HSD17B2: variants seen among roughly 807,000 people sequenced by gnomAD.
HSD17B2 encodes the protein 17-beta-hydroxysteroid dehydrogenase type 2.
HSD17B2 carries 32 observed loss-of-function variants against 26.9 expected under a neutral mutation model. That is an observed-to-expected ratio of 1.19 (90% confidence interval 0.90 to 1.60). The LOEUF is 1.60. Among genes scored for constraint, HSD17B2 ranks in the 40% most tolerant of loss-of-function variants. The pLI is 0.00. For missense variants in HSD17B2, 613 were observed against 468.6 expected (o/e 1.31, Z -2.85); for synonymous variants, 246 against 186.7 (o/e 1.32, Z -2.59).
chr16:82,061,898 T>C (rs965156541), intron 1 of HSD17B2, among the ~76,000 whole-genome samples: 34 of 152,228 alleles, frequency 2.2e-4, no homozygotes, highest in Non-Finnish European at 3.5e-4. Context: ...AGGACAGTGC[T>C]TGTGTTCCAG....
Position 82,098,158 on chromosome 16 carries a change from G to C in HSD17B2, c.886G>C (p.Gly296Arg), listed in dbSNP as rs751733597. Residue 296 changes from glycine (G) to arginine (R), a missense_variant, in exon 5 of 5, where the codon GGC becomes CGC. Coordinates refer to ENST00000199936, the MANE Select transcript of HSD17B2 (RefSeq NM_002153.3). ...HLPAEVQEDY[G>R]QDYILAQRNF... is the part of the protein sequence containing the mutation. ...CCCCGCTGAGGTACAGGAAGACTAC[G>C]GCCAGGACTACATCTTAGCACAGCG... 3 of 1,614,002 alleles carry C rather than the reference G, an allele frequency of 1.9e-6. No homozygotes were observed. The highest frequency in any genetic ancestry group is 1.1e-5 in the South Asian group (1 of 91,070).
chr16:82,076,433 G>C lies in HSD17B2; in HGVS notation c.664+5306G>C, dbSNP rs572302949. Among the ~76,000 whole-genome samples the C allele has an allele frequency of 2.6e-5, 4 of 152,256 alleles. No individual in the cohort carries two copies. In the South Asian group the frequency reaches 8.3e-4, roughly 32 times the overall value. ...AAATAAAGAACATTCAAGCTGGAAA[G>C]GAAGAAGTTGAATTATCCTTGTTTG... On this transcript the variant is annotated intron_variant, in intron 3 of 4. Coordinates refer to ENST00000199936, the MANE Select transcript of HSD17B2 (RefSeq NM_002153.3).
intron 3 of HSD17B2, among the ~76,000 whole-genome samples, chr16:82,082,551 TGTAA>T (rs1436614946): frequency 1.3e-5 from 2 of 152,226 alleles, no homozygotes; most frequent in African/African-American, 4.8e-5. Flanking sequence ...ATAAATTTTA[TGTAA>T]GTGTTAGCTA....
intron 3 of HSD17B2, among the ~76,000 whole-genome samples, chr16:82,083,859 G>C (rs1278696805): frequency 6.6e-6 from 1 of 152,094 alleles, no homozygotes; most frequent in Non-Finnish European, 1.5e-5. Context: ...AAATAGCATA[G>C]CTCTTTAACC....
At chr16:82,070,064 C>T (rs764060330) in intron 2 of HSD17B2, among the ~76,000 whole-genome samples, 30 of 152,324 alleles carry the variant, frequency 2.0e-4, no homozygotes, top group Admixed American at 3.3e-4. Flanking sequence ...TTCTTCTCCA[C>T]GTATACAAAG....
intron 3 of HSD17B2, among the ~76,000 whole-genome samples, chr16:82,082,138 T>G (rs1904399053): frequency 6.6e-6 from 1 of 152,170 alleles, no homozygotes; most frequent in African/African-American, 2.4e-5. Flanking sequence ...CCCATTAAAG[T>G]TTGGCTCCTT....
At chr16:82,038,094 T>G (rs935127107) in intron 1 of HSD17B2, among the ~76,000 whole-genome samples, 1 of 152,250 alleles carries the variant, frequency 6.6e-6, no homozygotes, top group Non-Finnish European at 1.5e-5. Context: ...CCTTTTAGTT[T>G]GTATTTAATT....
chr16:82,039,936 A>G (rs765005946), intron 1 of HSD17B2, among the ~76,000 whole-genome samples: 1 of 152,124 alleles, frequency 6.6e-6, no homozygotes, highest in Non-Finnish European at 1.5e-5. Context: ...TTGTGTGTGG[A>G]GCTGGGGAAA....
chr16:82,087,700 G>C (rs955938130), intron 3 of HSD17B2, among the ~76,000 whole-genome samples: 2 of 152,174 alleles, frequency 1.3e-5, no homozygotes, highest in African/African-American at 2.4e-5. Context: ...TGCAGACTGG[G>C]TAATTTATAA....
At chr16:82,084,062 A>G (rs368877536) in intron 3 of HSD17B2, among the ~76,000 whole-genome samples, 8 of 152,264 alleles carry the variant, frequency 5.3e-5, no homozygotes, top group African/African-American at 1.7e-4. Flanking sequence ...GCCCTGCTAA[A>G]ATGACCCAGG....
At chr16:82,051,383 G>C (rs1914101445) in intron 1 of HSD17B2, among the ~76,000 whole-genome samples, 1 of 152,130 alleles carries the variant, frequency 6.6e-6, no homozygotes, top group Admixed American at 6.6e-5. Flanking sequence ...AAAAGACCAT[G>C]GACTAAAAAG....
chr16:82,075,231 T>A (rs1904295014), intron 3 of HSD17B2, among the ~76,000 whole-genome samples: 1 of 151,994 alleles, frequency 6.6e-6, no homozygotes, highest in Non-Finnish European at 1.5e-5. Flanking sequence ...CGGCTATAAG[T>A]GCCTACATTA....
At chr16:82,035,791 A>T in intron 1 of HSD17B2, 102 bp downstream of exon 1, 2 of 1,233,884 alleles carry the variant, frequency 1.6e-6, no homozygotes. Flanking sequence ...AATACTTGGC[A>T]TGGAGTAAAT....
At chr16:82,072,741 A>C (rs1914725469) in intron 3 of HSD17B2, among the ~76,000 whole-genome samples, 1 of 152,164 alleles carries the variant, frequency 6.6e-6, no homozygotes, top group Non-Finnish European at 1.5e-5. Flanking sequence ...AAAATGGATT[A>C]ATGAATGGGT....
At chr16:82,067,734 G>T (rs185603346) in intron 1 of HSD17B2, among the ~76,000 whole-genome samples, 161 of 152,268 alleles carry the variant, frequency 1.1e-3, no homozygotes, top group African/African-American at 3.7e-3. Flanking sequence ...TCTCCAAAAG[G>T]CAAAACCGAG....
At position 82,061,804 on chromosome 16, in the gene HSD17B2, A is replaced by G. The variant is rs370898575; in HGVS notation, c.266-6366A>G. Among the ~76,000 whole-genome samples the G allele has an allele frequency of 2.6e-5, 4 of 152,308 alleles. No homozygotes were observed. The South Asian group carries it at 6.2e-4, about 24-fold the overall frequency. ...TTGACTGTGAGCTTTTATTTCTTGT[A>G]TGATGTTTTATTAATGACTAAAAAA... is the stretch of plus-strand genomic sequence containing the variant. On this transcript the variant is annotated intron_variant, in intron 1 of 4. Transcript: ENST00000199936.
chr16:82,059,166 T>C (rs1419078864), intron 1 of HSD17B2, among the ~76,000 whole-genome samples: 1 of 152,226 alleles, frequency 6.6e-6, no homozygotes, highest in Non-Finnish European at 1.5e-5. Context: ...AGAACTTTCC[T>C]ATTAATAACA....
intron 1 of HSD17B2, among the ~76,000 whole-genome samples, chr16:82,062,048 T>C (rs1811384965): frequency 6.6e-6 from 1 of 152,218 alleles, no homozygotes; most frequent in African/African-American, 2.4e-5. Flanking sequence ...TGATGGGGTG[T>C]TTCCGTTCAC....
intron 1 of HSD17B2, among the ~76,000 whole-genome samples, chr16:82,042,885 T>TGCTGGCATTACAGGTG (rs1913804685): frequency 6.6e-6 from 1 of 152,234 alleles, no homozygotes; most frequent in South Asian, 2.1e-4. Context: ...CCTCCCAAAG[T>TGCTGGCATTACAGGTG]GCTGGCATTA....
Sources: gnomAD v4.1 joint callset for allele counts (sites outside exome capture counted in the v4.1 genomes callset) on GRCh38, gnomAD v4.1.1 for gene constraint, MANE v1.5 for transcripts, NCBI Gene and HGNC (gene_info 2026-07-23, HGNC 2026-07-21) for gene names.